Variants in PLXNA4 observed in about 807,000 individuals in gnomAD.
The protein encoded by PLXNA4 is plexin A4.
In PLXNA4, 44 loss-of-function variants were observed where a neutral mutation model predicts 191.8. That is an observed-to-expected ratio of 0.23 (90% CI 0.18 to 0.29). The LOEUF (loss-of-function observed/expected upper bound fraction) is 0.29. PLXNA4 is among the 10% of genes least tolerant of loss of function. The probability of loss-of-function intolerance (pLI) is 1.00; values close to 1 mark genes in which losing one functional copy is unlikely to be tolerated. For missense variants in PLXNA4, 1,800 were observed against 2,488.8 expected (o/e 0.72, Z 5.89); for synonymous variants, 1,082 against 1,009.5 (o/e 1.07, Z -1.36).
rs140534225 is a variant in PLXNA4, at chr7:132,599,856, C to G, written c.-87+46072G>C. 6.8e-3 allele frequency among the ~76,000 whole-genome samples: 1,030 copies of G among 152,132 alleles called. 5 individuals are homozygous for G. Among genetic ancestry groups the G allele is most frequent in the Non-Finnish European group, 8.9e-3 (606 of 67,996 alleles). ...GTATTTTTACCAGTTTAAGGAATTT[C>G]CATAGTTCCTAATTTGCTAAGAGTT... On this transcript the variant is annotated intron_variant, in intron 2 of 4. Coordinates refer to the PLXNA4 transcript ENST00000378539.
chr7:132,195,098 T>C (rs1274357519), intron 13 of PLXNA4, among the ~76,000 whole-genome samples: 1 of 152,242 alleles, frequency 6.6e-6, no homozygotes, highest in Non-Finnish European at 1.5e-5. Context: ...GTATTTCATA[T>C]GCAGGCACAC....
chr7:132,590,238 T>C (rs968649468), intron 2 of PLXNA4, among the ~76,000 whole-genome samples: 1 of 152,116 alleles, frequency 6.6e-6, no homozygotes, highest in Non-Finnish European at 1.5e-5. Context: ...GGAAATGAAC[T>C]GAGGAAGGAA....
chr7:132,204,799 G>C (rs1368642381), intron 10 of PLXNA4, among the ~76,000 whole-genome samples: 1 of 152,142 alleles, frequency 6.6e-6, no homozygotes. Context: ...TCTAATCTTC[G>C]ATGCAGAAAA....
At position 132,164,154 on chromosome 7, in the gene PLXNA4, G is replaced by C. The variant is rs905061285; in HGVS notation, c.4488C>G (p.Asp1496Glu). ...SEDKLIRQQI[D>E]YKTLVLSCVS... Reference sequence around the variant, plus strand: ...TGGGTGGGCTCACCAGGGTTTTGTAGTCAATCTGCTGGCGGATGAGCTTGT... The same window carrying C: ...TGGGTGGGCTCACCAGGGTTTTGTACTCAATCTGCTGGCGGATGAGCTTGT... Residue 1496 changes from aspartate (D) to glutamate (E), a missense_variant, in exon 24 of 32, where the codon GAC becomes GAG. By Grantham distance (45) the Asp-to-Glu change is conservative. Around this residue, in one of 6 missense-constraint regions of PLXNA4, gnomAD observed 214 missense variants for 298.2 expected, o/e 0.72. Transcript: ENST00000321063. 14 of 1,613,916 alleles carry C rather than the reference G, an allele frequency of 8.7e-6. No individual in the cohort carries two copies. The highest frequency in any genetic ancestry group is 6.7e-5 in the Admixed American group (4 of 60,012).
chr7:132,522,191 C>A (rs954213254), intron 1 of PLXNA4, among the ~76,000 whole-genome samples: 1 of 152,172 alleles, frequency 6.6e-6, no homozygotes, highest in Admixed American at 6.5e-5. Context: ...GGGGACAACA[C>A]CTGCCAGCTC....
At chr7:132,524,167 G>C in intron 1 of PLXNA4, among the ~76,000 whole-genome samples, 1 of 152,230 alleles carries the variant, frequency 6.6e-6, no homozygotes, top group Non-Finnish European at 1.5e-5. Context: ...CCTTGTAACT[G>C]TGACGGCCCC....
intron 1 of PLXNA4, among the ~76,000 whole-genome samples, chr7:132,541,244 C>T (rs1200130007): frequency 6.6e-6 from 1 of 152,204 alleles, no homozygotes; most frequent in Non-Finnish European, 1.5e-5. Context: ...AGACTCCTAC[C>T]TAGTGCTTTC....
At chr7:132,287,408 A>G (rs947189845) in intron 4 of PLXNA4, among the ~76,000 whole-genome samples, 78 of 152,348 alleles carry the variant, frequency 5.1e-4, no homozygotes, top group African/African-American at 1.7e-3. Context: ...TACATATATT[A>G]ACTTCAATCC....
At chr7:132,425,813 T>A (rs1383141346) in intron 3 of PLXNA4, among the ~76,000 whole-genome samples, 4 of 152,184 alleles carry the variant, frequency 2.6e-5, no homozygotes, top group Admixed American at 6.5e-5. Context: ...AAACTCTCCA[T>A]CGAGGTGGGG....
chr7:132,406,129 G>A (rs1794210394), intron 3 of PLXNA4, among the ~76,000 whole-genome samples: 1 of 152,172 alleles, frequency 6.6e-6, no homozygotes, highest in Admixed American at 6.5e-5. Flanking sequence ...GGCTTACACT[G>A]CAGGGTTAAA....
intron 3 of PLXNA4, among the ~76,000 whole-genome samples, chr7:132,371,569 A>G (rs1216741115): frequency 2.0e-5 from 3 of 152,176 alleles, no homozygotes; most frequent in African/African-American, 7.2e-5. Flanking sequence ...AAACTGGGGC[A>G]CCGAGGGGAC....
rs1794832297 is a variant in PLXNA4, at chr7:132,128,265, A to AT, written c.*2213_*2214insA. ...TTCTCCACCTGGTACTGCACTTGCC[A>AT]AAACCTTTGGTTATTTATTTTTTTT... On this transcript the variant is annotated 3_prime_UTR_variant, in exon 32 of 32. Transcript: ENST00000321063. The AT allele has an allele frequency of 2.0e-5, 3 of 152,246 alleles. No homozygotes were observed. Among genetic ancestry groups the AT allele is most frequent in the Admixed American group, 6.5e-5 (1 of 15,278 alleles). The allele number at this position is 152,246 out of a possible 1,614,324, so 9.4% of individuals were successfully genotyped here.
chr7:132,324,307 C>T (rs10248397), intron 3 of PLXNA4, among the ~76,000 whole-genome samples: 5,549 of 152,246 alleles, frequency 0.036, 157 homozygotes, highest in Middle Eastern at 0.071. Context: ...TTTGCATTTC[C>T]TAGTAATAAA....
At chr7:132,217,855 GGGT>G (rs1037527568) in intron 9 of PLXNA4, among the ~76,000 whole-genome samples, 2 of 151,358 alleles carry the variant, frequency 1.3e-5, no homozygotes, top group African/African-American at 4.9e-5. Context: ...CCTGGAGTGG[GGGT>G]GGTGCATGGG....
chr7:132,399,653 T>C (rs1793907060), intron 3 of PLXNA4, among the ~76,000 whole-genome samples: 1 of 152,196 alleles, frequency 6.6e-6, no homozygotes, highest in Non-Finnish European at 1.5e-5. Flanking sequence ...CACACATCTG[T>C]GCTTTGGAGG....
chr7:132,310,707 A>C (rs1384280327), intron 3 of PLXNA4, among the ~76,000 whole-genome samples: 1 of 152,178 alleles, frequency 6.6e-6, no homozygotes, highest in Non-Finnish European at 1.5e-5. Context: ...TAACCCAGGG[A>C]GTGTCAGACA....
Position 132,508,810 on chromosome 7 carries a change from A to C in PLXNA4, c.-86-31T>G. 1 of 1,429,610 alleles carries C rather than the reference A, an allele frequency of 7.0e-7. No individual in the cohort carries two copies. The highest frequency in any genetic ancestry group is 9.1e-7 in the Non-Finnish European group (1 of 1,094,854). The allele number at this position is 1,429,610 out of a possible 1,614,324, so 88.6% of individuals were successfully genotyped here. On this transcript the variant is annotated intron_variant, in intron 1 of 31. Transcript: ENST00000321063. The surrounding 1 kb of genome is among the most constrained non-coding windows in gnomAD (Gnocchi z 4.4). ...GAAAGGGAAGACAATGAGCTGGATA[A>C]CAATGCCAGTGGCTTCATTTCACCC...
chr7:132,291,619 T>C (rs1309077030), intron 4 of PLXNA4, among the ~76,000 whole-genome samples: 1 of 152,166 alleles, frequency 6.6e-6, no homozygotes, highest in Non-Finnish European at 1.5e-5. Context: ...GATATGCACA[T>C]GTGTACACAC....
intron 3 of PLXNA4, among the ~76,000 whole-genome samples, chr7:132,439,461 T>C (rs1379255627): frequency 2.6e-5 from 4 of 151,280 alleles, no homozygotes; most frequent in African/African-American, 7.3e-5. Context: ...TATCCATACA[T>C]ACATGTGCAT....
Sources: allele counts gnomAD v4.1 joint callset (sites outside exome capture counted in the v4.1 genomes callset), GRCh38; gene constraint gnomAD v4.1.1; regional missense constraint gnomAD v4.1.1; non-coding constraint Gnocchi (gnomAD v3.1); transcripts MANE v1.5; gene names NCBI Gene and HGNC (gene_info 2026-07-23, HGNC 2026-07-21).